The following LMF1 variants were observed in gnomAD, a reference collection of about 807,000 sequenced individuals.
The protein encoded by LMF1 is transmembrane protein 112.
LMF1 carries 68 observed loss-of-function variants against 60.6 expected under a neutral mutation model. The observed-to-expected ratio is 1.12, with a 90% CI of 0.92 to 1.37. The LOEUF (loss-of-function observed/expected upper bound fraction) is 1.37. LMF1 is among the 40% of genes most tolerant of loss of function. The probability of loss-of-function intolerance (pLI) is 0.00; values close to 1 mark genes in which losing one functional copy is unlikely to be tolerated. For missense variants in LMF1, 948 were observed against 767.2 expected, an observed-to-expected ratio of 1.24 and a Z score of -2.78; for synonymous variants, 418 against 324.7, an observed-to-expected ratio of 1.29 and a Z score of -3.09.
At chr16:930,872 G>A (rs2071761640) in intron 3 of LMF1, among the ~76,000 whole-genome samples, 1 of 152,218 alleles carries the variant, frequency 6.6e-6, no homozygotes, top group Non-Finnish European at 1.5e-5. Flanking sequence ...TGTAATCCCA[G>A]CACTTTGGGA....
In LMF1 at chr16:853,976, G is replaced by T. The variant is rs930778612; in HGVS notation, c.*556C>A. The T allele has an allele frequency of 1.8e-5, 8 of 454,028 alleles. No individual in the cohort carries two copies. The highest frequency in any genetic ancestry group is 1.6e-4 in the African/African-American group (8 of 50,008). 28.1% of individuals were successfully genotyped at this position (454,028 alleles called of 1,614,324 possible). On this transcript the variant is annotated 3_prime_UTR_variant, in exon 11 of 11. Coordinates refer to ENST00000262301, the MANE Select transcript of LMF1 (RefSeq NM_022773.4). ...GGCTGTGGCGGGGGTGGAGATGAGG[G>T]ATAGGACAGAAAATGGCCCATCCAA...
chr16:889,044 A>G (rs1329399224), intron 5 of LMF1, among the ~76,000 whole-genome samples: 1 of 152,050 alleles, frequency 6.6e-6, no homozygotes, highest in Non-Finnish European at 1.5e-5. Context: ...CCGGTGTCTC[A>G]TGGGAGCGGG....
At position 949,598 on chromosome 16, in the gene LMF1, G is replaced by A. The variant is rs188053681; in HGVS notation, c.503+4759C>T. ...CAGAGACAACGACAGAGTCAGAGAC[G>A]ACAGAGTCAGAGACGACAGAGTCAG... is the stretch of plus-strand genomic sequence containing the variant. On this transcript the variant is annotated intron_variant, in intron 2 of 10. Transcript: ENST00000262301. Among the ~76,000 whole-genome samples, 917 of 95,094 alleles carry A rather than the reference G, an allele frequency of 9.6e-3. 26 individuals are homozygous for A. Among genetic ancestry groups the A allele is most frequent in the Non-Finnish European group, 0.013 (665 of 52,054 alleles). 62.4% of individuals were successfully genotyped at this position (95,094 alleles called of 152,430 possible). A position where few individuals can be genotyped will look rare whatever the true frequency, so the allele number is the denominator to read the frequency against.
intron 10 of LMF1, chr16:855,021 G>A: frequency 6.4e-6 from 3 of 472,018 alleles, no homozygotes; most frequent in Non-Finnish European, 7.9e-6. Context: ...TTCACGGGTG[G>A]CACTGAGCAA....
In LMF1 at chr16:854,067, CAG is replaced by C. The variant is rs751838536; in HGVS notation, c.*463_*464del. 2.2e-6 allele frequency: 1 copy of C among 455,842 alleles called. No individual in the cohort carries two copies. Among genetic ancestry groups the C allele is most frequent in the Non-Finnish European group, 4.4e-6 (1 of 228,064 alleles). The allele number at this position is 455,842 out of a possible 1,614,324, so 28.2% of individuals were successfully genotyped here. A position where few individuals can be genotyped will look rare whatever the true frequency, so the allele number is the denominator to read the frequency against. The stretch of plus-strand genomic sequence containing the variant: ...GAGGGTTTGGCTGCCCCAGACGTGA[CAG>C]GGACTTGGCTCTGAGGGTCAGGACC... On this transcript the variant is annotated 3_prime_UTR_variant, in exon 11 of 11. Coordinates refer to ENST00000262301, the MANE Select transcript of LMF1 (RefSeq NM_022773.4).
chr16:957,850 G>A (rs888212553), intron 1 of LMF1, among the ~76,000 whole-genome samples: 1 of 152,108 alleles, frequency 6.6e-6, no homozygotes, highest in African/African-American at 2.4e-5. Context: ...CACAGACAAA[G>A]AGCAGCCTTG....
chr16:931,314 G>C (rs953639494), intron 3 of LMF1, among the ~76,000 whole-genome samples: 1 of 152,258 alleles, frequency 6.6e-6, no homozygotes, highest in South Asian at 2.1e-4. Context: ...CCTAGAGCCG[G>C]CTGGCTGCTG....
At chr16:856,172 G>T (rs1181925866) in intron 10 of LMF1, 6 of 359,102 alleles carry the variant, frequency 1.7e-5, no homozygotes, top group Non-Finnish European at 3.3e-5. Context: ...GTCCACTCCA[G>T]GAGGGCACTG....
chr16:944,838 C>T (rs1301992062), intron 2 of LMF1, among the ~76,000 whole-genome samples: 15 of 152,166 alleles, frequency 9.9e-5, no homozygotes, highest in Admixed American at 9.8e-4. Context: ...TCTCAATTGT[C>T]ATCCCTGCCC....
intron 6 of LMF1, among the ~76,000 whole-genome samples, chr16:876,797 C>T (rs1187091209): frequency 6.6e-6 from 1 of 151,654 alleles, no homozygotes; most frequent in African/African-American, 2.4e-5. Flanking sequence ...AGTAAGTTAA[C>T]ATGGCTGATT....
At chr16:888,211 G>A (rs574792834) in intron 5 of LMF1, among the ~76,000 whole-genome samples, 70 of 152,252 alleles carry the variant, frequency 4.6e-4, no homozygotes, top group African/African-American at 1.5e-3. Context: ...GGAAGTGGCC[G>A]TGGGTCCCTG....
intron 2 of LMF1, 79 bp from the exon 3 acceptor site, chr16:934,333 A>C (rs544679805): frequency 3.2e-6 from 5 of 1,567,262 alleles, no homozygotes; most frequent in East Asian, 2.2e-5. Context: ...CACTGAGTGA[A>C]GCCCACCCTG....
rs2072409523 is a variant in LMF1 at position 950,267 on chromosome 16, G to A, written c.503+4090C>T. 1.8e-5 allele frequency among the ~76,000 whole-genome samples: 2 copies of A among 109,112 alleles called. 1 individual carries two copies. Among genetic ancestry groups the A allele is most frequent in the African/African-American group, 1.0e-4 (2 of 19,450 alleles). 71.6% of individuals were successfully genotyped at this position (109,112 alleles called of 152,430 possible). A position where few individuals can be genotyped will look rare whatever the true frequency, so the allele number is the denominator to read the frequency against. Reference sequence around the variant, plus strand: ...ACAGAGTCAGCCAACGACAGAGTCAGCCAACGACAGAGTCAGAGACAATGA... The same window carrying A: ...ACAGAGTCAGCCAACGACAGAGTCAACCAACGACAGAGTCAGAGACAATGA... On this transcript the variant is annotated intron_variant, in intron 2 of 10. Coordinates refer to ENST00000262301, the MANE Select transcript of LMF1 (RefSeq NM_022773.4).
intron 3 of LMF1, among the ~76,000 whole-genome samples, chr16:931,995 G>A (rs1219154510): frequency 1.3e-5 from 2 of 152,224 alleles, no homozygotes; most frequent in East Asian, 1.9e-4. Flanking sequence ...GGCTGGGAGC[G>A]CAAGCGCAGC....
intron 10 of LMF1, among the ~76,000 whole-genome samples, chr16:857,224 TG>T (rs1378638412): frequency 6.6e-6 from 1 of 152,272 alleles, no homozygotes. Flanking sequence ...CGTAAACCTC[TG>T]CACGGGTTTC....
chr16:935,770 C>T (rs12932226), intron 2 of LMF1, among the ~76,000 whole-genome samples: 6,734 of 152,292 alleles, frequency 0.044, 203 homozygotes, highest in South Asian at 0.11. Context: ...GGGTGTGGGA[C>T]GGCCCTCAGG....
At chr16:955,045 A>T in intron 1 of LMF1, among the ~76,000 whole-genome samples, 1 of 151,670 alleles carries the variant, frequency 6.6e-6, no homozygotes, top group African/African-American at 2.4e-5. Context: ...ACACACACAC[A>T]TCTAAGTAAA....
upstream of LMF1, among the ~76,000 whole-genome samples, chr16:973,957 C>T (rs2073090188): frequency 6.6e-6 from 1 of 151,346 alleles, no homozygotes; most frequent in Admixed American, 6.6e-5. Flanking sequence ...TTGCAGTGAG[C>T]CGAGATCGTG....
chr16:979,972 C>A, intron 1 of LMF1: 1 of 349,262 alleles, frequency 2.9e-6, no homozygotes, highest in Non-Finnish European at 5.7e-6. Flanking sequence ...GCACTGCAGA[C>A]GGAGGTGTGG....
Sources: allele counts gnomAD v4.1 joint callset (sites outside exome capture counted in the v4.1 genomes callset), GRCh38; gene constraint gnomAD v4.1.1; transcripts MANE v1.5; gene names NCBI Gene and HGNC (gene_info 2026-07-23, HGNC 2026-07-21).